TACR3: variants seen among roughly 807,000 people sequenced by gnomAD.
The protein encoded by TACR3 is neuromedin-K receptor.
TACR3 carries 34 observed loss-of-function variants against 35.0 expected under a neutral mutation model. That is an observed-to-expected ratio of 0.97 (90% CI 0.74 to 1.30). The LOEUF (loss-of-function observed/expected upper bound fraction) is 1.30. Among genes scored for constraint, TACR3 ranks in the 50% most tolerant of loss-of-function variants. TACR3 has a pLI of 0.00. For synonymous variants in TACR3, 233 were observed against 221.1 expected, an observed-to-expected ratio of 1.05 and a Z score of -0.48; for missense variants, 558 against 591.7, an observed-to-expected ratio of 0.94 and a Z score of 0.59.
chr4:103,710,786 G>C (rs907865974), intron 1 of TACR3, among the ~76,000 whole-genome samples: 2 of 151,808 alleles, frequency 1.3e-5, no homozygotes, highest in African/African-American at 2.4e-5. Context: ...TCAAATAGAC[G>C]CAATAAAAAA....
chr4:103,704,244 C>A (rs530481614), intron 1 of TACR3, among the ~76,000 whole-genome samples: 57 of 151,356 alleles, frequency 3.8e-4, no homozygotes, highest in Non-Finnish European at 7.5e-4. Context: ...ATGCTGAGGG[C>A]AAAGTTTGTA....
At chr4:103,629,920 C>T (rs1020020920) in intron 3 of TACR3, among the ~76,000 whole-genome samples, 28 of 147,554 alleles carry the variant, frequency 1.9e-4, no homozygotes, top group African/African-American at 6.9e-4. Context: ...GGAGGCATCA[C>T]GCTACTTGAC....
chr4:103,624,564 CT>C (rs1724849756), intron 3 of TACR3: 1 of 152,006 alleles, frequency 6.6e-6, no homozygotes, highest in South Asian at 2.1e-4. Flanking sequence ...AATCATAGCA[CT>C]TTGGAATTTA....
At chr4:103,617,675 C>T (rs924315180) in intron 3 of TACR3, among the ~76,000 whole-genome samples, 4 of 152,024 alleles carry the variant, frequency 2.6e-5, no homozygotes, top group Non-Finnish European at 4.4e-5. Flanking sequence ...GATTCATTAT[C>T]GTTTAATGTT....
chr4:103,680,782 TA>T (rs1722052566), intron 1 of TACR3, among the ~76,000 whole-genome samples: 2 of 151,860 alleles, frequency 1.3e-5, no homozygotes, highest in East Asian at 1.9e-4. Context: ...GAGGATCTTT[TA>T]AACTCTCTAT....
At chr4:103,596,866 C>G (rs945434540) in intron 3 of TACR3, among the ~76,000 whole-genome samples, 3 of 151,594 alleles carry the variant, frequency 2.0e-5, no homozygotes, top group Non-Finnish European at 4.4e-5. Flanking sequence ...GTTTTTTGTC[C>G]TTGCGATAGT....
At position 103,672,965 on chromosome 4, in the gene TACR3, C is replaced by T. The variant is rs59874352; in HGVS notation, c.549-14562G>A. ...TTGCACTTTTATGTTATGGAGATGG[C>T]TTCTTTCCTTATACCTCAGGAACCA... On this transcript the variant is annotated intron_variant, in intron 1 of 4. Transcript: ENST00000304883. Among the ~76,000 whole-genome samples, 658 of 152,276 alleles carry T rather than the reference C, an allele frequency of 4.3e-3. 3 individuals carry two copies. Among genetic ancestry groups the T allele is most frequent in the African/African-American group, 0.015 (610 of 41,566 alleles).
At position 103,597,083 on chromosome 4, in the gene TACR3, G is replaced by A. The variant is rs1271345886; in HGVS notation, c.889-5400C>T. On this transcript the variant is annotated intron_variant, in intron 3 of 4. Transcript: ENST00000304883. Reference sequence around the variant, plus strand: ...ACACATGTGTGCATGCGTCTTTATAGCAGCATAATTTATAATCCTTTGGGT... The same window carrying A: ...ACACATGTGTGCATGCGTCTTTATAACAGCATAATTTATAATCCTTTGGGT... Among the ~76,000 whole-genome samples, 4 of 151,934 alleles carry A rather than the reference G, an allele frequency of 2.6e-5. No individual in the cohort carries two copies. The South Asian group carries it at 6.2e-4, about 24-fold the overall frequency.
chr4:103,714,806 A>G (rs1041613627), intron 1 of TACR3, among the ~76,000 whole-genome samples: 2 of 152,196 alleles, frequency 1.3e-5, no homozygotes, highest in Non-Finnish European at 2.9e-5. Context: ...TGCAAAATTT[A>G]CCACAATACA....
intron 1 of TACR3, among the ~76,000 whole-genome samples, chr4:103,687,438 G>A (rs376485333): frequency 6.6e-6 from 1 of 152,236 alleles, no homozygotes; most frequent in South Asian, 2.1e-4. Context: ...ATTCAGTTAG[G>A]AAAAGAGGAA....
intron 3 of TACR3, among the ~76,000 whole-genome samples, chr4:103,638,108 C>T (rs1316349752): frequency 1.3e-5 from 2 of 152,062 alleles, no homozygotes; most frequent in African/African-American, 4.8e-5. Context: ...TCATATGGAA[C>T]CAAAAGAGAG....
At chr4:103,603,383 G>A (rs1167307172) in intron 3 of TACR3, among the ~76,000 whole-genome samples, 11 of 152,312 alleles carry the variant, frequency 7.2e-5, no homozygotes, top group South Asian at 2.1e-4. Flanking sequence ...GCTCGTGCAC[G>A]GTGCGCTGCA....
chr4:103,715,910 T>C (rs1375590419), intron 1 of TACR3, among the ~76,000 whole-genome samples: 1 of 152,196 alleles, frequency 6.6e-6, no homozygotes, highest in Non-Finnish European at 1.5e-5. Context: ...AGATATGTTA[T>C]ATATACATGT....
At chr4:103,699,731 T>C (rs898353549) in intron 1 of TACR3, among the ~76,000 whole-genome samples, 1 of 152,114 alleles carries the variant, frequency 6.6e-6, no homozygotes, top group African/African-American at 2.4e-5. Context: ...GTATGAAAGA[T>C]GAGATGAGCC....
intron 3 of TACR3, among the ~76,000 whole-genome samples, chr4:103,616,340 G>A (rs1172636118): frequency 6.6e-6 from 1 of 151,878 alleles, no homozygotes; most frequent in South Asian, 2.1e-4. Flanking sequence ...CAAATGTACA[G>A]AGCATATACA....
chr4:103,707,821 ATAGTCT>A (rs1647087112), intron 1 of TACR3, among the ~76,000 whole-genome samples: 1 of 152,144 alleles, frequency 6.6e-6, no homozygotes, highest in Non-Finnish European at 1.5e-5. Context: ...CACTTTTCCA[ATAGTCT>A]TAGCAAACGG....
intron 3 of TACR3, among the ~76,000 whole-genome samples, chr4:103,637,731 C>T (rs1240629513): frequency 6.6e-6 from 1 of 152,114 alleles, no homozygotes; most frequent in East Asian, 1.9e-4. Flanking sequence ...TGATAAGCAA[C>T]TTCAGCAGTC....
At chr4:103,690,812 G>A (rs766868489) in intron 1 of TACR3, among the ~76,000 whole-genome samples, 9 of 151,758 alleles carry the variant, frequency 5.9e-5, no homozygotes, top group Admixed American at 2.6e-4. Context: ...GTGAGGTAAT[G>A]CATTTGTTGA....
At chr4:103,604,065 G>T (rs1205454920) in intron 3 of TACR3, among the ~76,000 whole-genome samples, 2 of 152,092 alleles carry the variant, frequency 1.3e-5, no homozygotes, top group East Asian at 3.9e-4. Context: ...GGACCAAAAA[G>T]GAGCCCATAT....
Sources: gnomAD v4.1 joint callset for allele counts (sites outside exome capture counted in the v4.1 genomes callset) on GRCh38, gnomAD v4.1.1 for gene constraint, MANE v1.5 for transcripts, NCBI Gene and HGNC (gene_info 2026-07-23, HGNC 2026-07-21) for gene names.